Variants in PLCL1 observed in about 807,000 individuals in gnomAD.
PLCL1 encodes the protein inactive phospholipase C-like protein 1.
In PLCL1, 41 loss-of-function variants were observed where a neutral mutation model predicts 84.4. That is an observed-to-expected ratio of 0.49 (90% CI 0.38 to 0.63). PLCL1 has a LOEUF of 0.63. Ranked by LOEUF, PLCL1 falls within the 30% of genes least tolerant of loss-of-function variation. The pLI is 0.00. For missense variants in PLCL1, 1,206 were observed against 1,367.8 expected, an observed-to-expected ratio of 0.88 and a Z score of 1.87; for synonymous variants, 490 against 488.3, an observed-to-expected ratio of 1.00 and a Z score of -0.05.
chr2:198,106,307 C>T (rs1466748271), intron 5 of PLCL1, among the ~76,000 whole-genome samples: 1 of 151,928 alleles, frequency 6.6e-6, no homozygotes, highest in East Asian at 1.9e-4. Context: ...TTACAAATGT[C>T]TATTAAAAAT....
chr2:198,069,220 G>A (rs1692406299), intron 1 of PLCL1, among the ~76,000 whole-genome samples: 1 of 151,088 alleles, frequency 6.6e-6, no homozygotes, highest in Admixed American at 6.6e-5. Flanking sequence ...GCTGGGCACG[G>A]TGGCTCATGC....
intron 1 of PLCL1, among the ~76,000 whole-genome samples, chr2:198,012,609 C>A (rs1690895942): frequency 6.6e-6 from 1 of 151,618 alleles, no homozygotes; most frequent in Non-Finnish European, 1.5e-5. Flanking sequence ...TTATTGTTTT[C>A]TTATTGTTTT....
At position 197,804,957 on chromosome 2, in the gene PLCL1, CGCCGCCGCCACT is replaced by C; in HGVS notation, c.-134_-123del. On this transcript the variant is annotated 5_prime_UTR_variant, in exon 1 of 6. Transcript: ENST00000428675. ...TCCAGAAAGTTGCCGCCGCCGCCGCCGCCGCCGCCACTGCCGCCGCTGGGCGGTGAAACAAAG... is the reference window on the plus strand; with the variant it reads ...TCCAGAAAGTTGCCGCCGCCGCCGCCGCCGCCGCTGGGCGGTGAAACAAAG... The C allele has an allele frequency of 9.5e-7, 1 of 1,057,818 alleles. No homozygotes were observed. The highest frequency in any genetic ancestry group is 1.3e-6 in the Non-Finnish European group (1 of 765,928). The allele number at this position is 1,057,818 out of a possible 1,614,324, so 65.5% of individuals were successfully genotyped here.
At chr2:197,926,349 A>G (rs1461875515) in intron 1 of PLCL1, among the ~76,000 whole-genome samples, 1 of 152,138 alleles carries the variant, frequency 6.6e-6, no homozygotes, top group Non-Finnish European at 1.5e-5. Context: ...CTGCCATTTT[A>G]CCTCTTTAGG....
rs1320048474 is a variant in PLCL1, at chr2:197,903,831, T to C, written c.240+98492T>C. Among the ~76,000 whole-genome samples, 7 of 120,782 alleles carry C rather than the reference T, an allele frequency of 5.8e-5. No homozygotes were observed. In the East Asian group the frequency reaches 1.8e-3, roughly 31 times the overall value. 79.2% of individuals were successfully genotyped at this position (120,782 alleles called of 152,430 possible). On this transcript the variant is annotated intron_variant, in intron 1 of 5. Coordinates refer to ENST00000428675, the MANE Select transcript of PLCL1 (RefSeq NM_006226.4). Reference sequence around the variant, plus strand: ...TTTTTTTTTTTTTTGAGACAAAGTCTCGCTCTTGTCGACCAGGCTGGAGTG... The same window carrying C: ...TTTTTTTTTTTTTTGAGACAAAGTCCCGCTCTTGTCGACCAGGCTGGAGTG...
chr2:198,100,248 A>G (rs1290034932), intron 3 of PLCL1, among the ~76,000 whole-genome samples: 4 of 152,166 alleles, frequency 2.6e-5, no homozygotes, highest in Non-Finnish European at 4.4e-5. Context: ...TGGAATTACA[A>G]TTTACTGGAG....
At chr2:198,048,507 C>A (rs1194690363) in intron 1 of PLCL1, among the ~76,000 whole-genome samples, 1 of 152,208 alleles carries the variant, frequency 6.6e-6, no homozygotes, top group Non-Finnish European at 1.5e-5. Context: ...AGCATGGCAC[C>A]AGCATCTGCT....
At chr2:198,051,235 T>C (rs72930426) in intron 1 of PLCL1, among the ~76,000 whole-genome samples, 12,762 of 152,236 alleles carry the variant, frequency 0.084, 712 homozygotes, top group Non-Finnish European at 0.12. Context: ...CCATAGGTTC[T>C]ATGGGGACTT....
chr2:197,826,763 G>T (rs190624597), intron 1 of PLCL1, among the ~76,000 whole-genome samples: 1 of 152,276 alleles, frequency 6.6e-6, no homozygotes, highest in African/African-American at 2.4e-5. Flanking sequence ...TGCTGTAACA[G>T]AAGTATAGTA....
chr2:198,063,154 C>T (rs1304001361), intron 1 of PLCL1, among the ~76,000 whole-genome samples: 8 of 148,122 alleles, frequency 5.4e-5, no homozygotes, highest in Admixed American at 5.3e-4. Flanking sequence ...GTACTTAATA[C>T]TATACTTTAC....
At chr2:198,048,716 T>C (rs1691862094) in intron 1 of PLCL1, among the ~76,000 whole-genome samples, 1 of 152,210 alleles carries the variant, frequency 6.6e-6, no homozygotes, top group Admixed American at 6.5e-5. Flanking sequence ...TCTGTCCCCA[T>C]GACCCAGACA....
chr2:197,810,904 A>G (rs886980887), intron 1 of PLCL1, among the ~76,000 whole-genome samples: 1 of 149,884 alleles, frequency 6.7e-6, no homozygotes, highest in Non-Finnish European at 1.5e-5. Flanking sequence ...ATGACCAGAC[A>G]GAGCTAAGAG....
intron 1 of PLCL1, among the ~76,000 whole-genome samples, chr2:198,067,222 G>A (rs1402046683): frequency 6.6e-6 from 1 of 150,902 alleles, no homozygotes; most frequent in Non-Finnish European, 1.5e-5. Context: ...TCCCCTCCCG[G>A]ATTCAAGTGA....
intron 1 of PLCL1, among the ~76,000 whole-genome samples, chr2:197,990,611 G>C (rs1330304670): frequency 6.6e-6 from 1 of 152,206 alleles, no homozygotes; most frequent in Non-Finnish European, 1.5e-5. Flanking sequence ...CAGCTCTCAT[G>C]AGACTTATTC....
chr2:198,081,325 C>T (rs1252802607), intron 1 of PLCL1, among the ~76,000 whole-genome samples: 1 of 152,114 alleles, frequency 6.6e-6, no homozygotes, highest in Non-Finnish European at 1.5e-5. Flanking sequence ...GAGTCACAGT[C>T]TCATTTACCA....
At chr2:198,078,071 T>G (rs1692623143) in intron 1 of PLCL1, among the ~76,000 whole-genome samples, 1 of 152,160 alleles carries the variant, frequency 6.6e-6, no homozygotes, top group African/African-American at 2.4e-5. Flanking sequence ...CATCACTATC[T>G]CTTTATTGTA....
rs143698755 is a variant in PLCL1, at chr2:197,866,520, T to C, written c.240+61181T>C. 1.4e-3 allele frequency among the ~76,000 whole-genome samples: 214 copies of C among 152,192 alleles called. 2 individuals carry two copies. The highest frequency in any genetic ancestry group is 5.0e-3 in the African/African-American group (207 of 41,536). Reference sequence around the variant, plus strand: ...CCTTTCACATTTCTCTTGTGAACTTTCTACTGTCAGCACCTGCATCTCAAA... The same window carrying C: ...CCTTTCACATTTCTCTTGTGAACTTCCTACTGTCAGCACCTGCATCTCAAA... On this transcript the variant is annotated intron_variant, in intron 1 of 5. Coordinates refer to ENST00000428675, the MANE Select transcript of PLCL1 (RefSeq NM_006226.4).
At chr2:197,962,972 T>C (rs1471570774) in intron 1 of PLCL1, among the ~76,000 whole-genome samples, 2 of 152,094 alleles carry the variant, frequency 1.3e-5, no homozygotes, top group African/African-American at 4.8e-5. Flanking sequence ...TATCCATTTG[T>C]CTCTTGATGG....
chr2:198,013,001 T>C (rs1329756745), intron 1 of PLCL1, among the ~76,000 whole-genome samples: 1 of 152,120 alleles, frequency 6.6e-6, no homozygotes, highest in Non-Finnish European at 1.5e-5. Context: ...GTTTATGTTA[T>C]TGATGACACA....
Sources: allele counts gnomAD v4.1 joint callset (sites outside exome capture counted in the v4.1 genomes callset), GRCh38; gene constraint gnomAD v4.1.1; transcripts MANE v1.5; gene names NCBI Gene and HGNC (gene_info 2026-07-23, HGNC 2026-07-21).